COPG2: variants seen among roughly 807,000 people sequenced by gnomAD.
The protein encoded by COPG2 is coat protein complex I subunit gamma 2, also known as coatomer subunit gamma-2.
COPG2 carries 37 observed loss-of-function variants against 46.3 expected under a neutral mutation model. The ratio of observed to expected loss-of-function variants is 0.80; its 90% CI spans 0.61 to 1.05. The LOEUF (loss-of-function observed/expected upper bound fraction) is 1.05, where lower values mean the gene tolerates loss of function less well. Ranked by LOEUF, COPG2 falls within the 50% of genes least tolerant of loss-of-function variation. COPG2 has a pLI of 0.00. For synonymous variants in COPG2, 159 were observed against 129.7 expected (o/e 1.23, Z -1.53); for missense variants, 427 against 387.8 (o/e 1.10, Z -0.85).
chr7:130,642,809 G>C (rs981830771), intron 5 of COPG2, among the ~76,000 whole-genome samples: 1 of 152,098 alleles, frequency 6.6e-6, no homozygotes, highest in Admixed American at 6.5e-5. Flanking sequence ...GATCACTTGA[G>C]GTCAGGAGTT....
chr7:130,571,349 G>GA (rs1175101975), intron 9 of COPG2, among the ~76,000 whole-genome samples: 20 of 149,902 alleles, frequency 1.3e-4, no homozygotes, highest in African/African-American at 4.4e-4. Flanking sequence ...AAATCAGCAA[G>GA]AAAAAAACAA....
At chr7:130,652,985 T>A (rs782048097) in intron 4 of COPG2, 37 bp from the exon 5 acceptor site, 1 of 1,363,840 alleles carries the variant, frequency 7.3e-7, no homozygotes, top group African/African-American at 1.4e-5. Flanking sequence ...AGATTATTGA[T>A]TAGGAAATGG....
At chr7:130,606,158 G>A (rs1554451197) in intron 9 of COPG2, among the ~76,000 whole-genome samples, 2 of 151,836 alleles carry the variant, frequency 1.3e-5, no homozygotes, top group Admixed American at 6.6e-5. Context: ...CCCAGGAAGC[G>A]GAGGTTGTAG....
intron 12 of COPG2, among the ~76,000 whole-genome samples, chr7:130,556,316 T>G (rs1438740633): frequency 6.6e-6 from 1 of 152,134 alleles, no homozygotes; most frequent in Non-Finnish European, 1.5e-5. Flanking sequence ...GAGGGAGACA[T>G]GATCTCTATC....
At chr7:130,612,292 T>C (rs1209835897) in intron 7 of COPG2, 54 bp from the exon 8 acceptor site, 2 of 1,107,244 alleles carry the variant, frequency 1.8e-6, no homozygotes, top group Non-Finnish European at 2.5e-6. Context: ...ACTAGAAGCT[T>C]AGAAACATGA....
At position 130,550,663 on chromosome 7, in the gene COPG2, A is replaced by G. The variant is rs1430315229; in HGVS notation, c.1649-14T>C. On this transcript the variant is annotated splice_polypyrimidine_tract_variant and intron_variant, in intron 16 of 23. Transcript: ENST00000425248. ...AGACCGTCAAACCTGTGAAACATAG[A>G]GAAATCTCAGCATTATAACCTCTTG... 1.0e-5 allele frequency: 4 copies of G among 396,716 alleles called. No individual in the cohort carries two copies. The highest frequency in any genetic ancestry group is 1.3e-5 in the Non-Finnish European group (3 of 224,972). 24.6% of individuals were successfully genotyped at this position (396,716 alleles called of 1,614,324 possible). A position where few individuals can be genotyped will look rare whatever the true frequency, so the allele number is the denominator to read the frequency against.
Position 130,554,183 on chromosome 7 carries a change from A to AT in COPG2, c.1468+297_1468+298insA, listed in dbSNP as rs1554444087. Among the ~76,000 whole-genome samples, 5 of 152,136 alleles carry AT rather than the reference A, an allele frequency of 3.3e-5. No homozygotes were observed. In the East Asian group the frequency reaches 9.7e-4, roughly 29 times the overall value. On this transcript the variant is annotated intron_variant, in intron 14 of 23. Coordinates refer to ENST00000425248, the MANE Select transcript of COPG2 (RefSeq NM_012133.6). Reference sequence around the variant, plus strand: ...GATTAGGGAGGAAAAGTCGCTTAAAAATATATATATAGAAACACATAAACA... The same window carrying AT: ...GATTAGGGAGGAAAAGTCGCTTAAAATATATATATATAGAAACACATAAACA...
chr7:130,641,223 T>C (rs1273785203), intron 5 of COPG2, among the ~76,000 whole-genome samples: 2 of 144,890 alleles, frequency 1.4e-5, no homozygotes, highest in African/African-American at 5.0e-5. Flanking sequence ...CAATGACTAA[T>C]CTGTCAAGAA....
chr7:130,585,799 C>A (rs926901965), intron 9 of COPG2, among the ~76,000 whole-genome samples: 3 of 151,726 alleles, frequency 2.0e-5, no homozygotes, highest in African/African-American at 2.4e-5. Context: ...TGGCCACAAT[C>A]AAAAAAATCA....
At chr7:130,547,512 A>G in intron 20 of COPG2, 162 bp downstream of exon 20, 1 of 396,554 alleles carries the variant, frequency 2.5e-6, no homozygotes, top group East Asian at 3.6e-5. Flanking sequence ...AAACCATTTT[A>G]TAAATATATA....
intron 12 of COPG2, among the ~76,000 whole-genome samples, chr7:130,558,458 A>G (rs1233673523): frequency 6.6e-6 from 1 of 152,228 alleles, no homozygotes; most frequent in Non-Finnish European, 1.5e-5. Flanking sequence ...TTCAGCCTGC[A>G]GAACTGTGAG....
chr7:130,614,135 T>C (rs1443116453), intron 6 of COPG2, among the ~76,000 whole-genome samples: 3 of 152,090 alleles, frequency 2.0e-5, no homozygotes, highest in African/African-American at 7.2e-5. Context: ...GCCCTCAACA[T>C]AAAATCCTCT....
Position 130,564,519 on chromosome 7 carries a change from C to A in COPG2, c.738-126G>T, listed in dbSNP as rs1018774563. The stretch of plus-strand genomic sequence containing the variant: ...GGTGGATGAGGGATTTCTAAAAATT[C>A]ATTTCATCACAAAGCAATTAGAACA... On this transcript the variant is annotated intron_variant, in intron 9 of 23. Coordinates refer to ENST00000425248, the MANE Select transcript of COPG2 (RefSeq NM_012133.6). The A allele has an allele frequency of 2.3e-4, 92 of 396,840 alleles. 1 individual carries two copies. In the East Asian group the frequency reaches 3.2e-3, roughly 14 times the overall value. 24.6% of individuals were successfully genotyped at this position (396,840 alleles called of 1,614,324 possible).
intron 6 of COPG2, 28 bp downstream of exon 6, chr7:130,616,962 T>A (rs1794960076): frequency 6.7e-7 from 1 of 1,485,818 alleles, no homozygotes; most frequent in Non-Finnish European, 9.3e-7. Context: ...GTGTTCCATT[T>A]GGTAACTCAG....
At chr7:130,539,914 G>A (rs1240579929) in intron 20 of COPG2, among the ~76,000 whole-genome samples, 5 of 152,294 alleles carry the variant, frequency 3.3e-5, no homozygotes, top group Middle Eastern at 3.4e-3. Context: ...GGAAGGGAAA[G>A]TGTGAAAGGG....
chr7:130,561,584 G>C (rs1353096193), intron 11 of COPG2, among the ~76,000 whole-genome samples: 1 of 152,178 alleles, frequency 6.6e-6, no homozygotes, highest in Non-Finnish European at 1.5e-5. Flanking sequence ...GACAAAGACT[G>C]TTAATATCTT....
At position 130,653,849 on chromosome 7, in the gene COPG2, G is replaced by GA. The variant is rs535673283; in HGVS notation, c.244-902dup. On this transcript the variant is annotated intron_variant, in intron 4 of 23. Transcript: ENST00000425248. ...AGGATCCTCGTGGTGATTAAAAACA[G>GA]AAAAAAAACACACACAGAAAGCCAG... Among the ~76,000 whole-genome samples, 73 of 151,380 alleles carry GA rather than the reference G, an allele frequency of 4.8e-4. No homozygotes were observed. In the South Asian group the frequency reaches 0.01, roughly 21 times the overall value.
At chr7:130,661,063 A>T (rs1554460663) in intron 4 of COPG2, among the ~76,000 whole-genome samples, 1 of 152,248 alleles carries the variant, frequency 6.6e-6, no homozygotes, top group East Asian at 1.9e-4. Flanking sequence ...TTCACCATGT[A>T]GCTGGAGAAA....
intron 9 of COPG2, among the ~76,000 whole-genome samples, chr7:130,577,777 A>AC (rs1382458742): frequency 6.6e-6 from 1 of 150,878 alleles, no homozygotes; most frequent in Non-Finnish European, 1.5e-5. Context: ...CAAAAAAAAA[A>AC]AAAAAAAAAA....
Sources: allele counts gnomAD v4.1 joint callset (sites outside exome capture counted in the v4.1 genomes callset), GRCh38; gene constraint gnomAD v4.1.1; transcripts MANE v1.5; gene names NCBI Gene and HGNC (gene_info 2026-07-23, HGNC 2026-07-21).